The following RIT2 variants were observed in gnomAD, a reference collection of about 807,000 sequenced individuals.
RIT2 encodes the protein GTP-binding protein Rit2.
In RIT2, 24 loss-of-function variants were observed where a neutral mutation model predicts 23.7. That is an observed-to-expected ratio of 1.01 (90% CI 0.73 to 1.43). The LOEUF is 1.43. Ranked by LOEUF, RIT2 falls within the 40% of genes most tolerant of loss-of-function variation. The pLI is 0.00. For missense variants in RIT2, 236 were observed against 266.9 expected, an observed-to-expected ratio of 0.88 and a Z score of 0.81; for synonymous variants, 107 against 91.1, an observed-to-expected ratio of 1.17 and a Z score of -0.99.
intron 4 of RIT2, among the ~76,000 whole-genome samples, chr18:42,910,476 C>T (rs1024391191): frequency 1.3e-5 from 2 of 152,082 alleles, no homozygotes; most frequent in African/African-American, 4.8e-5. Context: ...AACAGGCATT[C>T]CTGTTTTCCT....
chr18:42,985,268 T>C (rs1405024696), intron 2 of RIT2, among the ~76,000 whole-genome samples: 1 of 152,110 alleles, frequency 6.6e-6, no homozygotes, highest in African/African-American at 2.4e-5. Flanking sequence ...ATGAAGAAAG[T>C]TAAAGATCAT....
intron 1 of RIT2, among the ~76,000 whole-genome samples, chr18:43,070,506 C>G (rs905464171): frequency 6.6e-6 from 1 of 152,196 alleles, no homozygotes; most frequent in Non-Finnish European, 1.5e-5. Context: ...TAGAAACAAA[C>G]AGCAAAGTGC....
chr18:42,834,866 C>G (rs969981669), intron 4 of RIT2, among the ~76,000 whole-genome samples: 1 of 152,044 alleles, frequency 6.6e-6, no homozygotes, highest in African/African-American at 2.4e-5. Context: ...TCATTGCATC[C>G]TTTAGGATGT....
At chr18:42,917,328 T>A (rs1221330226) in intron 4 of RIT2, among the ~76,000 whole-genome samples, 1 of 152,134 alleles carries the variant, frequency 6.6e-6, no homozygotes. Flanking sequence ...GAGGACTCCA[T>A]CATGGACACC....
chr18:42,824,224 A>T (rs543149880), intron 4 of RIT2, among the ~76,000 whole-genome samples: 75 of 152,244 alleles, frequency 4.9e-4, no homozygotes, highest in Non-Finnish European at 9.7e-4. Context: ...CACTGAAAGA[A>T]GTGAATGTTG....
chr18:43,011,648 T>C (rs542400912), intron 2 of RIT2, among the ~76,000 whole-genome samples: 1 of 151,924 alleles, frequency 6.6e-6, no homozygotes, highest in East Asian at 2.0e-4. Context: ...TGAAGAACTC[T>C]ATATTAAACT....
At chr18:42,915,709 T>C (rs182130429) in intron 4 of RIT2, among the ~76,000 whole-genome samples, 71 of 152,122 alleles carry the variant, frequency 4.7e-4, no homozygotes, top group Non-Finnish European at 8.2e-4. Context: ...ATGTGCAACA[T>C]AAACGGTGAA....
At chr18:42,900,576 G>A (rs530648987) in intron 4 of RIT2, among the ~76,000 whole-genome samples, 1 of 152,030 alleles carries the variant, frequency 6.6e-6, no homozygotes. Flanking sequence ...TATACCTAAA[G>A]CCAAAGCATC....
At chr18:42,964,063 C>T (rs1910154906) in intron 3 of RIT2, among the ~76,000 whole-genome samples, 1 of 151,904 alleles carries the variant, frequency 6.6e-6, no homozygotes, top group Non-Finnish European at 1.5e-5. Flanking sequence ...CGGTGATGTG[C>T]ACCTGTAATT....
chr18:42,982,213 C>A (rs1351273807), intron 2 of RIT2, among the ~76,000 whole-genome samples: 2 of 152,146 alleles, frequency 1.3e-5, no homozygotes, highest in Non-Finnish European at 2.9e-5. Context: ...GACCTGGAGT[C>A]CAAAGGCTGG....
intron 4 of RIT2, among the ~76,000 whole-genome samples, chr18:42,757,251 A>T (rs1317683917): frequency 6.6e-6 from 1 of 152,224 alleles, no homozygotes; most frequent in Non-Finnish European, 1.5e-5. Context: ...CAATTCATGC[A>T]AAGTGTCAAA....
chr18:42,750,556 T>C (rs936281817), intron 4 of RIT2, among the ~76,000 whole-genome samples: 1 of 151,884 alleles, frequency 6.6e-6, no homozygotes, highest in African/African-American at 2.4e-5. Flanking sequence ...TATTGCAACA[T>C]TCACAGCAAA....
At chr18:42,881,279 T>C (rs1598697595) in intron 4 of RIT2, among the ~76,000 whole-genome samples, 1 of 152,224 alleles carries the variant, frequency 6.6e-6, no homozygotes, top group South Asian at 2.1e-4. Context: ...TGGTCAATAA[T>C]TCACATATAT....
chr18:42,966,552 A>G (rs1910228580), intron 3 of RIT2, among the ~76,000 whole-genome samples: 1 of 152,200 alleles, frequency 6.6e-6, no homozygotes, highest in Non-Finnish European at 1.5e-5. Flanking sequence ...AATTAGGTTC[A>G]TAAAGCATAT....
At chr18:42,816,769 TA>T (rs796471405) in intron 4 of RIT2, among the ~76,000 whole-genome samples, 2 of 152,136 alleles carry the variant, frequency 1.3e-5, no homozygotes, top group African/African-American at 4.8e-5. Context: ...CATTATAGGA[TA>T]AAAAAACCAA....
intron 4 of RIT2, among the ~76,000 whole-genome samples, chr18:42,808,577 GTT>G (rs141896476): frequency 5.4e-5 from 8 of 147,610 alleles, no homozygotes; most frequent in African/African-American, 1.7e-4. Flanking sequence ...AAAAGAATTC[GTT>G]TTTTTTTTCA....
rs75711569 is a variant in RIT2, at chr18:42,743,418, T to G, written c.*75A>C. ...AGAGAGACACATAGAGAGATAATAT[T>G]GAAGCAGAATGCTACATATGGAATT... On this transcript the variant is annotated 3_prime_UTR_variant, in exon 5 of 5. Transcript: ENST00000326695. The G allele has an allele frequency of 2.1e-3, 2,251 of 1,062,756 alleles. 5 individuals are homozygous for G. The highest frequency in any genetic ancestry group is 2.4e-3 in the South Asian group (178 of 74,164). The allele number at this position is 1,062,756 out of a possible 1,614,324, so 65.8% of individuals were successfully genotyped here.
chr18:42,898,140 G>A (rs886514074), intron 4 of RIT2, among the ~76,000 whole-genome samples: 4 of 152,090 alleles, frequency 2.6e-5, no homozygotes, highest in East Asian at 1.9e-4. Context: ...AATGGCTCGC[G>A]CCTGAAATCC....
At chr18:42,949,125 G>C in intron 3 of RIT2, 1 of 396,828 alleles carries the variant, frequency 2.5e-6, no homozygotes, top group Non-Finnish European at 4.4e-6. Context: ...CTGCCACATA[G>C]ACCATGGCTT....
Sources: gnomAD v4.1 joint callset for allele counts (sites outside exome capture counted in the v4.1 genomes callset) on GRCh38, gnomAD v4.1.1 for gene constraint, MANE v1.5 for transcripts, NCBI Gene and HGNC (gene_info 2026-07-23, HGNC 2026-07-21) for gene names.